MYOT: variants seen among roughly 807,000 people sequenced by gnomAD.
MYOT encodes myotilin.
MYOT carries 36 observed loss-of-function variants against 58.0 expected under a neutral mutation model. The ratio of observed to expected loss-of-function variants is 0.62; its 90% confidence interval spans 0.48 to 0.82. The LOEUF (loss-of-function observed/expected upper bound fraction) is 0.82. Among genes scored for constraint, MYOT ranks in the 40% least tolerant of loss-of-function variants. The pLI is 0.00. For synonymous variants in MYOT, 218 were observed against 204.6 expected, an observed-to-expected ratio of 1.07 and a Z score of -0.56; for missense variants, 505 against 592.1, an observed-to-expected ratio of 0.85 and a Z score of 1.53.
chr5:137,871,995 A>T (rs1755066872), intron 2 of MYOT, among the ~76,000 whole-genome samples: 1 of 152,124 alleles, frequency 6.6e-6, no homozygotes, highest in South Asian at 2.1e-4. Context: ...TTTTTCTACA[A>T]ACTCCTATTA....
intron 3 of MYOT, 88 bp from the exon 4 acceptor site, chr5:137,877,432 A>G: frequency 1.3e-6 from 1 of 794,948 alleles, no homozygotes; most frequent in Non-Finnish European, 2.2e-6. Flanking sequence ...GCTTCTTTGA[A>G]GTTCTGACCT....
In MYOT at chr5:137,873,580, C is replaced by T. The variant is rs181774503; in HGVS notation, c.357-2249C>T. On this transcript the variant is annotated intron_variant, in intron 2 of 9. Transcript: ENST00000239926. ...AAAAGTGGTCTATTATAATTCTATA[C>T]GATTGAAAAAATATGAGATCTATAA... Among the ~76,000 whole-genome samples, 46 of 151,270 alleles carry T rather than the reference C, an allele frequency of 3.0e-4. No homozygotes were observed. In the East Asian group the frequency reaches 5.0e-3, roughly 17 times the overall value.
intron 2 of MYOT, among the ~76,000 whole-genome samples, chr5:137,873,223 T>TAAAA (rs35417774): frequency 6.9e-6 from 1 of 145,332 alleles, no homozygotes; most frequent in Non-Finnish European, 1.5e-5. Context: ...CTAGCATTTT[T>TAAAA]AAAAAAAAAA....
At chr5:137,873,959 A>G (rs1420590468) in intron 2 of MYOT, among the ~76,000 whole-genome samples, 2 of 152,252 alleles carry the variant, frequency 1.3e-5, no homozygotes, top group African/African-American at 2.4e-5. Context: ...CAAAGCCAGT[A>G]AAAATTAAAA....
chr5:137,875,579 T>C (rs2691634), intron 2 of MYOT, among the ~76,000 whole-genome samples: 1 of 152,166 alleles, frequency 6.6e-6, no homozygotes, highest in African/African-American at 2.4e-5. Context: ...CCTTAGGGAA[T>C]ATCTTCAAGG....
chr5:137,883,688 T>A, intron 7 of MYOT, 97 bp downstream of exon 7: 2 of 1,125,190 alleles, frequency 1.8e-6, no homozygotes, highest in South Asian at 1.3e-5. Flanking sequence ...ACTTCATATT[T>A]AAGGTTAATG....
rs1283783554 is a variant in MYOT, at chr5:137,887,505, TA to T, written c.*122del. 4.2e-6 allele frequency: 3 copies of T among 717,810 alleles called. No homozygotes were observed. Among genetic ancestry groups the T allele is most frequent in the Non-Finnish European group, 6.3e-6 (3 of 473,402 alleles). 44.5% of individuals were successfully genotyped at this position (717,810 alleles called of 1,614,324 possible). ...TATGGTTTTAATTAGGTAATATAGT[TA>T]ATATATATTTATAATATTATTTATC... On this transcript the variant is annotated 3_prime_UTR_variant, in exon 10 of 10. Transcript: ENST00000239926.
At chr5:137,870,060 G>A (rs1330877681) in intron 1 of MYOT, among the ~76,000 whole-genome samples, 1 of 151,152 alleles carries the variant, frequency 6.6e-6, no homozygotes, top group Non-Finnish European at 1.5e-5. Context: ...GGGCTGAGGC[G>A]GGAGGATTGC....
intron 2 of MYOT, among the ~76,000 whole-genome samples, chr5:137,873,154 A>G (rs1258012076): frequency 6.6e-6 from 1 of 152,174 alleles, no homozygotes; most frequent in African/African-American, 2.4e-5. Flanking sequence ...GACAAGTCTA[A>G]AAACAATTAT....
intron 2 of MYOT, among the ~76,000 whole-genome samples, chr5:137,875,089 T>C (rs1264103024): frequency 1.3e-5 from 2 of 152,152 alleles, no homozygotes; most frequent in East Asian, 3.8e-4. Flanking sequence ...AATCAGCCCA[T>C]ATGAACCAGC....
At chr5:137,870,050 G>C (rs567209416) in intron 1 of MYOT, among the ~76,000 whole-genome samples, 1 of 151,308 alleles carries the variant, frequency 6.6e-6, no homozygotes, top group African/African-American at 2.4e-5. Flanking sequence ...GCACCAAGGG[G>C]GGCTGAGGCG....
intron 8 of MYOT, 64 bp downstream of exon 8, chr5:137,886,277 A>T: frequency 7.9e-7 from 1 of 1,259,924 alleles, no homozygotes; most frequent in Non-Finnish European, 1.1e-6. Flanking sequence ...ACTTTTTAAC[A>T]TGCATTATAA....
chr5:137,869,984 TA>T (rs1754988175), intron 1 of MYOT, among the ~76,000 whole-genome samples: 1 of 151,678 alleles, frequency 6.6e-6, no homozygotes, highest in Admixed American at 6.6e-5. Flanking sequence ...CAGTGAATTG[TA>T]AGGTTAAAAA....
In MYOT at chr5:137,883,510, G is replaced by A. The variant is rs536024294; in HGVS notation, c.943G>A (p.Ala315Thr). 1.9e-5 allele frequency: 30 copies of A among 1,614,150 alleles called. No individual in the cohort carries two copies. In the East Asian group the frequency reaches 6.2e-4, roughly 34 times the overall value. The change falls in exon 7 of 10, where the codon GCT (alanine) becomes ACT (threonine). Residue 315 changes from alanine (A) to threonine (T), a missense_variant. Ala to Thr is a moderately conservative substitution (Grantham distance 58). Coordinates refer to ENST00000239926, the MANE Select transcript of MYOT (RefSeq NM_006790.3). ...LHSLIFEVVR[A>T]SDAGAYACVA... The stretch of plus-strand genomic sequence containing the variant: ...TTCACTCATCTTTGAAGTAGTCAGA[G>A]CTTCAGATGCAGGGGCTTATGCATG...
chr5:137,887,516 T>A lies in MYOT; in HGVS notation c.*131T>A. 1.6e-6 allele frequency: 1 copy of A among 624,296 alleles called. No individual in the cohort carries two copies. The highest frequency in any genetic ancestry group is 2.4e-6 in the Non-Finnish European group (1 of 418,454). 38.7% of individuals were successfully genotyped at this position (624,296 alleles called of 1,614,324 possible). A position where few individuals can be genotyped will look rare whatever the true frequency, so the allele number is the denominator to read the frequency against. On this transcript the variant is annotated 3_prime_UTR_variant, in exon 10 of 10. Transcript: ENST00000239926. ...TTAGGTAATATAGTTAATATATATT[T>A]ATAATATTATTTATCCTTTGACTCT...
intron 4 of MYOT, among the ~76,000 whole-genome samples, chr5:137,878,925 C>T (rs1368744437): frequency 6.6e-6 from 1 of 152,150 alleles, no homozygotes; most frequent in Non-Finnish European, 1.5e-5. Context: ...AAAAAGTCCA[C>T]AAGAAACTGG....
chr5:137,884,657 A>C (rs1755539226), intron 7 of MYOT, among the ~76,000 whole-genome samples: 1 of 152,202 alleles, frequency 6.6e-6, no homozygotes, highest in Non-Finnish European at 1.5e-5. Context: ...TGTTCATTAG[A>C]GCATTCTGGA....
rs6878241 is a variant in MYOT, at chr5:137,875,414, A to T, written c.357-415A>T. Among the ~76,000 whole-genome samples, 271 of 152,296 alleles carry T rather than the reference A, an allele frequency of 1.8e-3. 2 individuals carry two copies. The highest frequency in any genetic ancestry group is 6.1e-3 in the African/African-American group (253 of 41,564). Reference sequence around the variant, plus strand: ...CTATGTTCACCTCTTGGGTGACAGAATCATTAGAAGGCCAAACCCCAGCAT... The same window carrying T: ...CTATGTTCACCTCTTGGGTGACAGATTCATTAGAAGGCCAAACCCCAGCAT... On this transcript the variant is annotated intron_variant, in intron 2 of 9. Coordinates refer to ENST00000239926, the MANE Select transcript of MYOT (RefSeq NM_006790.3).
chr5:137,869,664 CAAAAAAAA>C (rs986477287), intron 1 of MYOT, among the ~76,000 whole-genome samples: 2 of 145,530 alleles, frequency 1.4e-5, no homozygotes, highest in Non-Finnish European at 3.0e-5. Flanking sequence ...AAAGGTGTGG[CAAAAAAAA>C]GAAAAAAAAG....
Sources: allele counts gnomAD v4.1 joint callset (sites outside exome capture counted in the v4.1 genomes callset), GRCh38; gene constraint gnomAD v4.1.1; transcripts MANE v1.5; gene names NCBI Gene and HGNC (gene_info 2026-07-23, HGNC 2026-07-21).